CSMD1: variants seen among roughly 807,000 people sequenced by gnomAD.
CSMD1 encodes the protein CUB and sushi domain-containing protein 1.
CSMD1 carries 213 observed loss-of-function variants against 417.5 expected under a neutral mutation model. The observed-to-expected ratio is 0.51, with a 90% CI of 0.46 to 0.57. The LOEUF (loss-of-function observed/expected upper bound fraction) is 0.57. CSMD1 is among the 20% of genes least tolerant of loss of function. The probability of loss-of-function intolerance (pLI) is 0.00; values close to 1 mark genes in which losing one functional copy is unlikely to be tolerated. For synonymous variants in CSMD1, 2,862 were observed against 1,736.8 expected, an observed-to-expected ratio of 1.65 and a Z score of -16.11; for missense variants, 6,923 against 4,529.7, an observed-to-expected ratio of 1.53 and a Z score of -15.17.
At chr8:3,322,309 G>A (rs987784235) in intron 23 of CSMD1, among the ~76,000 whole-genome samples, 2 of 151,882 alleles carry the variant, frequency 1.3e-5, no homozygotes. Flanking sequence ...TATTCCTTTA[G>A]GTCTGTTACA....
At chr8:3,809,038 A>G (rs932684657) in intron 5 of CSMD1, among the ~76,000 whole-genome samples, 33 of 152,138 alleles carry the variant, frequency 2.2e-4, no homozygotes, top group Non-Finnish European at 2.9e-5. Flanking sequence ...ATGAAGAGAT[A>G]CACTTAGCTT....
chr8:3,133,879 A>T (rs1323948376), intron 41 of CSMD1, among the ~76,000 whole-genome samples: 1 of 152,198 alleles, frequency 6.6e-6, no homozygotes, highest in Non-Finnish European at 1.5e-5. Context: ...AAAGTCCTAG[A>T]AAGTGCTCTG....
intron 1 of CSMD1, among the ~76,000 whole-genome samples, chr8:4,899,977 T>C (rs1486674973): frequency 6.6e-6 from 1 of 152,178 alleles, no homozygotes; most frequent in Non-Finnish European, 1.5e-5. Context: ...ATGGGTCTTA[T>C]TTTTAGTCTA....
intron 5 of CSMD1, among the ~76,000 whole-genome samples, chr8:3,855,636 T>C (rs985217476): frequency 1.3e-4 from 20 of 152,186 alleles, no homozygotes; most frequent in African/African-American, 4.6e-4. Context: ...GTTTACTGCT[T>C]GAAACATGAA....
chr8:3,272,014 G>A (rs903924455), intron 26 of CSMD1, among the ~76,000 whole-genome samples: 1 of 151,856 alleles, frequency 6.6e-6, no homozygotes, highest in East Asian at 1.9e-4. Flanking sequence ...CCATGCCTAT[G>A]TCCTGAATGG....
chr8:4,962,000 T>C (rs555943651), intron 1 of CSMD1, among the ~76,000 whole-genome samples: 12 of 152,044 alleles, frequency 7.9e-5, no homozygotes, highest in Non-Finnish European at 1.8e-4. Context: ...GGATACAAAA[T>C]TTCTGTTATC....
chr8:3,780,205 C>G (rs1246724903), intron 5 of CSMD1, among the ~76,000 whole-genome samples: 1 of 152,202 alleles, frequency 6.6e-6, no homozygotes, highest in Non-Finnish European at 1.5e-5. Flanking sequence ...TCCTTTATCT[C>G]CCTCTGTAAG....
chr8:3,384,082 A>G (rs1810811796), intron 18 of CSMD1, among the ~76,000 whole-genome samples: 1 of 152,122 alleles, frequency 6.6e-6, no homozygotes, highest in Non-Finnish European at 1.5e-5. Context: ...CGAAGTGTGG[A>G]GTCCTGGAAA....
chr8:4,973,975 C>A (rs1301824979), intron 1 of CSMD1, among the ~76,000 whole-genome samples: 1 of 152,080 alleles, frequency 6.6e-6, no homozygotes, highest in Non-Finnish European at 1.5e-5. Flanking sequence ...TAATAACAAG[C>A]CATCCAAAGC....
chr8:4,501,307 T>A (rs1045683220), intron 2 of CSMD1, among the ~76,000 whole-genome samples: 3 of 152,140 alleles, frequency 2.0e-5, no homozygotes, highest in Admixed American at 6.5e-5. Flanking sequence ...CATGAATGAT[T>A]GTTTTGTCTT....
chr8:4,752,052 T>A (rs190574410), intron 1 of CSMD1, among the ~76,000 whole-genome samples: 1 of 151,894 alleles, frequency 6.6e-6, no homozygotes, highest in Non-Finnish European at 1.5e-5. Flanking sequence ...ACTGTGTATA[T>A]ATTAATACAA....
At chr8:3,967,085 C>A (rs1812725176) in intron 5 of CSMD1, among the ~76,000 whole-genome samples, 1 of 152,134 alleles carries the variant, frequency 6.6e-6, no homozygotes, top group Non-Finnish European at 1.5e-5. Context: ...GCTATTCTAA[C>A]AAGGAAAGAA....
chr8:3,314,150 T>A (rs965427574), intron 23 of CSMD1, among the ~76,000 whole-genome samples: 1 of 152,026 alleles, frequency 6.6e-6, no homozygotes, highest in Non-Finnish European at 1.5e-5. Flanking sequence ...GGGATAGCAT[T>A]AGGAGATATA....
At chr8:4,756,011 T>C (rs1811645674) in intron 1 of CSMD1, among the ~76,000 whole-genome samples, 1 of 152,212 alleles carries the variant, frequency 6.6e-6, no homozygotes, top group African/African-American at 2.4e-5. Context: ...GAGTATTAAG[T>C]CATTTGCTAA....
At chr8:4,186,022 C>T (rs1798655787) in intron 3 of CSMD1, among the ~76,000 whole-genome samples, 1 of 152,142 alleles carries the variant, frequency 6.6e-6, no homozygotes, top group Non-Finnish European at 1.5e-5. Context: ...ACATACAAAT[C>T]CCTAGGTACA....
chr8:3,729,516 A>T (rs562285454), intron 6 of CSMD1, among the ~76,000 whole-genome samples: 1 of 152,310 alleles, frequency 6.6e-6, no homozygotes, highest in African/African-American at 2.4e-5. Flanking sequence ...AGACTGTGGA[A>T]CCTGCCCAAG....
rs1467084830 is a variant in CSMD1 at position 4,796,109 on chromosome 8, T to A, written c.86-158551A>T. 5.3e-5 allele frequency among the ~76,000 whole-genome samples: 8 copies of A among 152,256 alleles called. 1 individual carries two copies. The South Asian group carries it at 1.7e-3, about 32-fold the overall frequency. Reference sequence around the variant, plus strand: ...AAATGTTCTTATTCCACAAGGAGTTTACTGTCTGTGGAGAGATCCAGGACC... The same window carrying A: ...AAATGTTCTTATTCCACAAGGAGTTAACTGTCTGTGGAGAGATCCAGGACC... On this transcript the variant is annotated intron_variant, in intron 1 of 69. Transcript: ENST00000635120.
At chr8:4,930,839 A>G (rs4535756) in intron 1 of CSMD1, among the ~76,000 whole-genome samples, 60,215 of 152,100 alleles carry the variant, frequency 0.4, 12,253 homozygotes, top group Middle Eastern at 0.53. Context: ...TTGTAAATAC[A>G]GGATAGATCT....
chr8:4,353,800 G>A (rs1165720223), intron 3 of CSMD1, among the ~76,000 whole-genome samples: 1 of 152,032 alleles, frequency 6.6e-6, no homozygotes, highest in Non-Finnish European at 1.5e-5. Context: ...CTTATAAATG[G>A]CTCGATCATT....
Sources: allele counts gnomAD v4.1 joint callset (sites outside exome capture counted in the v4.1 genomes callset), GRCh38; gene constraint gnomAD v4.1.1; transcripts MANE v1.5; gene names NCBI Gene and HGNC (gene_info 2026-07-23, HGNC 2026-07-21).